TANGO6: variants seen among roughly 807,000 people sequenced by gnomAD.
The protein encoded by TANGO6 is transport and golgi organization 6 homolog, also known as transport and Golgi organization protein 6 homolog.
In TANGO6, 90 loss-of-function variants were observed where a neutral mutation model predicts 114.2. The ratio of observed to expected loss-of-function variants is 0.79; its 90% CI spans 0.66 to 0.94. The LOEUF (loss-of-function observed/expected upper bound fraction) is 0.94. Among genes scored for constraint, TANGO6 ranks in the 40% least tolerant of loss-of-function variants. The probability of loss-of-function intolerance (pLI) is 0.00; values close to 1 mark genes in which losing one functional copy is unlikely to be tolerated. For missense variants in TANGO6, 1,274 were observed against 1,315.3 expected (o/e 0.97, Z 0.49); for synonymous variants, 477 against 509.8 (o/e 0.94, Z 0.87).
At chr16:69,008,333 CTT>C (rs1964113944) in intron 15 of TANGO6, among the ~76,000 whole-genome samples, 1 of 152,156 alleles carries the variant, frequency 6.6e-6, no homozygotes, top group Admixed American at 6.5e-5. Context: ...TCTTTTGTCA[CTT>C]TTGCTTTTGG....
chr16:69,018,139 C>CTCTTTTTTT (rs1959335095), intron 15 of TANGO6, among the ~76,000 whole-genome samples: 1 of 77,076 alleles, frequency 1.3e-5, no homozygotes, highest in Admixed American at 1.8e-4. Context: ...TTGGAAATCT[C>CTCTTTTTTT]TTTTTTTTTT....
At chr16:69,038,728 T>C (rs1959729092) in intron 16 of TANGO6, among the ~76,000 whole-genome samples, 1 of 152,054 alleles carries the variant, frequency 6.6e-6, no homozygotes, top group Non-Finnish European at 1.5e-5. Context: ...TTCTTTCCTG[T>C]GTTAGTATGG....
intron 17 of TANGO6, among the ~76,000 whole-genome samples, chr16:69,051,181 A>G (rs1959942345): frequency 6.6e-6 from 1 of 152,282 alleles, no homozygotes; most frequent in South Asian, 2.1e-4. Flanking sequence ...CTTGTTTCTC[A>G]CTTAGTGTTC....
chr16:68,909,399 T>C lies in TANGO6; in HGVS notation c.1989T>C (p.Thr663=). 6.5e-7 allele frequency: 1 copy of C among 1,531,236 alleles called. No individual in the cohort carries two copies. The highest frequency in any genetic ancestry group is 8.8e-7 in the Non-Finnish European group (1 of 1,133,966). 94.9% of individuals were successfully genotyped at this position (1,531,236 alleles called of 1,614,324 possible). The change falls in exon 11 of 18, where the codon ACT becomes ACC. Residue 663 remains threonine (T), a synonymous_variant. Coordinates refer to ENST00000261778, the MANE Select transcript of TANGO6 (RefSeq NM_024562.2). ...CTGAGCAGATATTCACAAACGTCAC[T>C]CAGGTCAGTAGTTGCCACATTCTGG... ...RMSEQIFTNV[T]QVVDFVAATL...
chr16:68,884,354 A>T (rs1962508931), intron 7 of TANGO6, among the ~76,000 whole-genome samples: 1 of 152,230 alleles, frequency 6.6e-6, no homozygotes, highest in Admixed American at 6.5e-5. Flanking sequence ...TGACATGGTG[A>T]CTATGTGAAT....
chr16:68,877,798 C>T (rs573496119), intron 5 of TANGO6, among the ~76,000 whole-genome samples: 5 of 152,092 alleles, frequency 3.3e-5, no homozygotes, highest in Admixed American at 3.3e-4. Flanking sequence ...TTAGTAGAGA[C>T]AGGGTTTCAC....
chr16:68,864,257 C>T lies in TANGO6; in HGVS notation c.852+1196C>T, dbSNP rs547014691. Among the ~76,000 whole-genome samples the T allele has an allele frequency of 9.9e-5, 15 of 151,786 alleles. No homozygotes were observed. The East Asian group carries it at 1.7e-3, about 18-fold the overall frequency. On this transcript the variant is annotated intron_variant, in intron 3 of 17. Coordinates refer to ENST00000261778, the MANE Select transcript of TANGO6 (RefSeq NM_024562.2). ...TGTTTGCTTTTAGTACCTACATTTTCGTTATGAATCTAGGTGTGTAAAGAG... is the reference window on the plus strand; with the variant it reads ...TGTTTGCTTTTAGTACCTACATTTTTGTTATGAATCTAGGTGTGTAAAGAG...
chr16:69,045,941 G>A (rs1959850228), intron 17 of TANGO6, among the ~76,000 whole-genome samples: 1 of 150,548 alleles, frequency 6.6e-6, no homozygotes, highest in African/African-American at 2.4e-5. Flanking sequence ...TCACGCATCT[G>A]TAATCCCAGC....
At chr16:68,907,673 G>A in intron 10 of TANGO6, 98 bp downstream of exon 10, 1 of 1,356,450 alleles carries the variant, frequency 7.4e-7, no homozygotes, top group Admixed American at 3.1e-5. Flanking sequence ...GTCCTAAAAT[G>A]TAGGCCCTAA....
chr16:69,072,965 GA>G (rs772900105), intron 17 of TANGO6, among the ~76,000 whole-genome samples: 4,727 of 125,636 alleles, frequency 0.038, 84 homozygotes, highest in Non-Finnish European at 0.054. Flanking sequence ...CCTCTAAAAG[GA>G]AAAAAAAAAA....
chr16:69,083,377 C>T, intron 17 of TANGO6, 108 bp from the exon 18 acceptor site: 1 of 1,336,202 alleles, frequency 7.5e-7, no homozygotes, highest in Non-Finnish European at 1.0e-6. Context: ...TTCAGGAAGT[C>T]TGTGGATGTC....
intron 14 of TANGO6, among the ~76,000 whole-genome samples, chr16:68,967,602 AT>A (rs1452012000): frequency 6.6e-6 from 1 of 152,188 alleles, no homozygotes; most frequent in Non-Finnish European, 1.5e-5. Context: ...CTATGTAGAG[AT>A]TTGCCTATTC....
chr16:68,918,498 T>G (rs1963042183), intron 11 of TANGO6, among the ~76,000 whole-genome samples: 1 of 152,256 alleles, frequency 6.6e-6, no homozygotes. Context: ...TATTTTGCAT[T>G]GCAGTCCGTG....
Position 68,970,878 on chromosome 16 carries a change from C to T in TANGO6, c.2702-3150C>T, listed in dbSNP as rs78876859. 3.9e-3 allele frequency among the ~76,000 whole-genome samples: 598 copies of T among 152,200 alleles called. 6 individuals are homozygous for T. The highest frequency in any genetic ancestry group is 0.014 in the African/African-American group (582 of 41,520). ...TCTGATTTTAGAAAGTAGCTATGGG[C>T]CGGGCGCAGTGGCTCACGCCTGTAA... On this transcript the variant is annotated intron_variant, in intron 14 of 17. Transcript: ENST00000261778.
Position 68,843,554 on chromosome 16 carries a change from T to TGGC in TANGO6, c.-53_-51dup. On this transcript the variant is annotated 5_prime_UTR_variant, in exon 1 of 18. Transcript: ENST00000261778. ...CCAGAGCCTTCTGCCACACTTAACATGGCGGCGGCGGCGCCCTGCCGAGGC... is the reference window on the plus strand; with the variant it reads ...CCAGAGCCTTCTGCCACACTTAACATGGCGGCGGCGGCGGCGCCCTGCCGAGGC... 2 of 1,512,030 alleles carry TGGC rather than the reference T, an allele frequency of 1.3e-6. No individual in the cohort carries two copies. The highest frequency in any genetic ancestry group is 1.8e-5 in the Admixed American group (1 of 55,948). 93.7% of individuals were successfully genotyped at this position (1,512,030 alleles called of 1,614,324 possible). A position where few individuals can be genotyped will look rare whatever the true frequency, so the allele number is the denominator to read the frequency against.
chr16:68,954,966 G>GTT, intron 14 of TANGO6, among the ~76,000 whole-genome samples: 1 of 152,252 alleles, frequency 6.6e-6, no homozygotes, highest in South Asian at 2.1e-4. Context: ...AGAAGAGAAT[G>GTT]TTTTTAAAAT....
chr16:68,852,577 C>T (rs2152151973), intron 1 of TANGO6, among the ~76,000 whole-genome samples: 1 of 151,548 alleles, frequency 6.6e-6, no homozygotes, highest in East Asian at 1.9e-4. Context: ...GCCTGTAATC[C>T]CAACACTTTG....
intron 15 of TANGO6, among the ~76,000 whole-genome samples, chr16:69,011,298 G>T (rs1964141270): frequency 6.6e-6 from 1 of 152,106 alleles, no homozygotes; most frequent in South Asian, 2.1e-4. Flanking sequence ...ATTAATAATA[G>T]AGTTTTAAAA....
At position 69,062,909 on chromosome 16, in the gene TANGO6, T is replaced by A. The variant is rs928597402; in HGVS notation, c.3109-20576T>A. On this transcript the variant is annotated intron_variant, in intron 17 of 17. Transcript: ENST00000261778. ...GGAGTTAGAGACCAGCATGGCCAAATGGTGAAACCCTGTCTGTATTAAAAA... is the reference window on the plus strand; with the variant it reads ...GGAGTTAGAGACCAGCATGGCCAAAAGGTGAAACCCTGTCTGTATTAAAAA... Among the ~76,000 whole-genome samples, 18 of 146,022 alleles carry A rather than the reference T, an allele frequency of 1.2e-4. No homozygotes were observed. The Admixed American group carries it at 1.2e-3, about 10-fold the overall frequency.
Sources: allele counts gnomAD v4.1 joint callset (sites outside exome capture counted in the v4.1 genomes callset), GRCh38; gene constraint gnomAD v4.1.1; transcripts MANE v1.5; gene names NCBI Gene and HGNC (gene_info 2026-07-23, HGNC 2026-07-21).